Variants in DCBLD1 observed in about 807,000 individuals in gnomAD.
DCBLD1 encodes the protein discoidin, CUB and LCCL domain containing 1, also known as discoidin, CUB and LCCL domain-containing protein 1.
DCBLD1 carries 57 observed loss-of-function variants against 71.5 expected under a neutral mutation model. The ratio of observed to expected loss-of-function variants is 0.80; its 90% CI spans 0.64 to 0.99. DCBLD1 has a LOEUF of 0.99. Among genes scored for constraint, DCBLD1 ranks in the 50% least tolerant of loss-of-function variants. The probability of loss-of-function intolerance (pLI) is 0.00; values close to 1 mark genes in which losing one functional copy is unlikely to be tolerated. For synonymous variants in DCBLD1, 380 were observed against 363.8 expected, an observed-to-expected ratio of 1.04 and a Z score of -0.51; for missense variants, 891 against 923.5, an observed-to-expected ratio of 0.96 and a Z score of 0.46.
intron 2 of DCBLD1, among the ~76,000 whole-genome samples, chr6:117,513,435 TG>T (rs1778087341): frequency 6.6e-6 from 1 of 152,202 alleles, no homozygotes; most frequent in South Asian, 2.1e-4. Context: ...CTGTTCCATT[TG>T]GTATCTCTGA....
At position 117,549,494 on chromosome 6, in the gene DCBLD1, G is replaced by A. The variant is rs2114581700; in HGVS notation, c.*1055G>A. 1.0e-6 allele frequency: 1 copy of A among 985,298 alleles called. No homozygotes were observed. Among genetic ancestry groups the A allele is most frequent in the East Asian group, 1.1e-4 (1 of 8,822 alleles). 61.0% of individuals were successfully genotyped at this position (985,298 alleles called of 1,614,324 possible). A position where few individuals can be genotyped will look rare whatever the true frequency, so the allele number is the denominator to read the frequency against. On this transcript the variant is annotated 3_prime_UTR_variant, in exon 15 of 15. Coordinates refer to ENST00000338728, the MANE Select transcript of DCBLD1 (RefSeq NM_001366458.2). ...CATCAGCTGTACCTCATGCTCAGTA[G>A]TTTTTATTTGAGTTTCTTTTGTGAG...
chr6:117,488,006 G>A (rs1279021251), intron 1 of DCBLD1, among the ~76,000 whole-genome samples: 4 of 152,204 alleles, frequency 2.6e-5, no homozygotes, highest in Non-Finnish European at 5.9e-5. Context: ...AAATAGAGTC[G>A]TGACTGTGAG....
At position 117,540,682 on chromosome 6, in the gene DCBLD1, C is replaced by T. The variant is rs201430056; in HGVS notation, c.1116C>T (p.Asn372=). The stretch of plus-strand genomic sequence containing the variant: ...TCCTTCTATAGGTGTTTCAGGGTAA[C>T]TCTAACTTTCGGGACCCAGTGCAAA... ...VNNEEKVFQG[N]SNFRDPVQNN... is the part of the protein sequence containing the mutation. The change falls in exon 10 of 15, where the codon AAC becomes AAT. Residue 372 remains asparagine (N), a synonymous_variant. Transcript: ENST00000338728. 3 of 1,614,154 alleles carry T rather than the reference C, an allele frequency of 1.9e-6. No homozygotes were observed. The African/African-American group carries it at 4.0e-5, about 22-fold the overall frequency.
intron 1 of DCBLD1, among the ~76,000 whole-genome samples, chr6:117,499,256 A>AAAAAAAAT (rs1358986575): frequency 8.0e-5 from 12 of 150,592 alleles, no homozygotes; most frequent in African/African-American, 3.0e-4. Flanking sequence ...AAAAAAAAAA[A>AAAAAAAAT]ATCTGCCAGG....
At chr6:117,553,151 C>T (rs975871026), downstream of DCBLD1, among the ~76,000 whole-genome samples, 21 of 152,196 alleles carry the variant, frequency 1.4e-4, no homozygotes, top group African/African-American at 4.8e-4. Context: ...CACTCCTCAA[C>T]GCTTTTATTT....
chr6:117,517,348 C>T (rs1394602894), intron 2 of DCBLD1, among the ~76,000 whole-genome samples: 3 of 152,242 alleles, frequency 2.0e-5, no homozygotes, highest in African/African-American at 7.2e-5. Context: ...GGTGAGTTCC[C>T]ATGCTTGGGC....
intron 14 of DCBLD1, among the ~76,000 whole-genome samples, chr6:117,568,508 T>C (rs974407957): frequency 4.6e-5 from 7 of 152,204 alleles, no homozygotes; most frequent in Non-Finnish European, 7.3e-5. Flanking sequence ...TATCCCACTC[T>C]TTTGCTACTG....
chr6:117,514,548 C>T (rs760424464), intron 2 of DCBLD1, among the ~76,000 whole-genome samples: 9 of 150,464 alleles, frequency 6.0e-5, no homozygotes, highest in Non-Finnish European at 1.2e-4. Flanking sequence ...GCCGTGATCA[C>T]GCCACTGCAC....
At position 117,548,110 on chromosome 6, in the gene DCBLD1, C is replaced by G. The variant is rs1332062939; in HGVS notation, c.1819C>G (p.Arg607Gly). 2 of 1,549,474 alleles carry G rather than the reference C, an allele frequency of 1.3e-6. No individual in the cohort carries two copies. The highest frequency in any genetic ancestry group is 2.7e-5 in the African/African-American group (2 of 73,020). ...EPEYATPIVE[R>G]HVLRAHTFSA... ...CGAGTACGCCACGCCCATCGTGGAG[C>G]GGCACGTGCTGCGCGCCCACACGTT... The change falls in exon 15 of 15, where the codon CGG becomes GGG. Residue 607 changes from arginine to glycine, a missense_variant. Transcript: ENST00000338728.
intron 11 of DCBLD1, 142 bp from the exon 12 acceptor site, chr6:117,542,982 T>A: frequency 1.5e-6 from 1 of 683,796 alleles, no homozygotes; most frequent in African/African-American, 1.8e-5. Flanking sequence ...TGCTTTCCAA[T>A]ATCAGTAAAT....
At chr6:117,553,117 G>T (rs1332463297), downstream of DCBLD1, among the ~76,000 whole-genome samples, 1 of 152,154 alleles carries the variant, frequency 6.6e-6, no homozygotes, top group East Asian at 1.9e-4. Flanking sequence ...CAAAAGCTCG[G>T]TTTCCAGTTT....
At chr6:117,490,172 A>G (rs1458006808) in intron 1 of DCBLD1, among the ~76,000 whole-genome samples, 2 of 151,990 alleles carry the variant, frequency 1.3e-5, no homozygotes, top group Non-Finnish European at 1.5e-5. Context: ...TATTGTTTTT[A>G]TTAAATATTG....
downstream of DCBLD1, among the ~76,000 whole-genome samples, chr6:117,551,247 A>G (rs1447615487): frequency 6.6e-6 from 1 of 152,158 alleles, no homozygotes. Flanking sequence ...GCATTTATCA[A>G]CTATGAAAAT....
At chr6:117,534,743 T>C (rs1163207509) in intron 6 of DCBLD1, among the ~76,000 whole-genome samples, 1 of 150,346 alleles carries the variant, frequency 6.7e-6, no homozygotes, top group Non-Finnish European at 1.5e-5. Context: ...CATACATATA[T>C]AATATATTTT....
chr6:117,526,392 C>A (rs1490099633), intron 5 of DCBLD1, among the ~76,000 whole-genome samples: 1 of 152,102 alleles, frequency 6.6e-6, no homozygotes, highest in Non-Finnish European at 1.5e-5. Flanking sequence ...TCTTAAATGA[C>A]TACAGGGAAT....
chr6:117,554,998 T>C (rs1253233772), intron 14 of DCBLD1, among the ~76,000 whole-genome samples: 2 of 152,168 alleles, frequency 1.3e-5, no homozygotes, highest in African/African-American at 4.8e-5. Context: ...TTTCTTCCCT[T>C]TTTTGGTTCT....
chr6:117,539,634 GTC>G (rs1779021941), intron 9 of DCBLD1: 1 of 256,400 alleles, frequency 3.9e-6, no homozygotes, highest in Admixed American at 5.8e-5. Context: ...CACACTTGTA[GTC>G]CTAGATACTT....
Position 117,548,223 on chromosome 6 carries a change from T to A in DCBLD1, c.1932T>A (p.Gly644=). 2.6e-6 allele frequency: 4 copies of A among 1,550,328 alleles called. No individual in the cohort carries two copies. Among genetic ancestry groups the A allele is most frequent in the Non-Finnish European group, 3.5e-6 (4 of 1,146,926 alleles). Residue 644 remains glycine, a synonymous_variant, in exon 15 of 15, where the codon GGT becomes GGA. Transcript: ENST00000338728. ...LSSGGFSPVA[G]VGAQDGDYQR... is the part of the protein sequence containing the mutation. The stretch of plus-strand genomic sequence containing the variant: ...CGGGCGGCTTCTCCCCCGTAGCGGG[T>A]GTGGGCGCCCAGGACGGAGACTATC...
chr6:117,532,170 A>G (rs1048533891), intron 5 of DCBLD1, 90 bp from the exon 6 acceptor site: 21 of 1,511,472 alleles, frequency 1.4e-5, no homozygotes, highest in African/African-American at 9.8e-5. Flanking sequence ...GGCCACTACT[A>G]TAAATTACCA....
Sources: allele counts gnomAD v4.1 joint callset (sites outside exome capture counted in the v4.1 genomes callset), GRCh38; gene constraint gnomAD v4.1.1; transcripts MANE v1.5; gene names NCBI Gene and HGNC (gene_info 2026-07-23, HGNC 2026-07-21).